Variants in TVP23A observed in about 807,000 individuals in gnomAD.
The protein encoded by TVP23A is trans-golgi network vesicle protein 23 homolog A, also known as Golgi apparatus membrane protein TVP23 homolog A.
In TVP23A, 21 loss-of-function variants were observed where a neutral mutation model predicts 31.7. The ratio of observed to expected loss-of-function variants is 0.66; its 90% CI spans 0.47 to 0.95. The LOEUF (loss-of-function observed/expected upper bound fraction) is 0.95. Ranked by LOEUF, TVP23A falls within the 40% of genes least tolerant of loss-of-function variation. The pLI is 0.00. For synonymous variants in TVP23A, 104 were observed against 96.0 expected (o/e 1.08, Z -0.49); for missense variants, 279 against 255.6 (o/e 1.09, Z -0.62).
chr16:10,761,214 A>G, downstream of TVP23A: 1 of 606,480 alleles, frequency 1.6e-6, no homozygotes, highest in Non-Finnish European at 2.9e-6. Context: ...TGAGATTTGG[A>G]TGGGGACACA....
intron 4 of TVP23A, 24 bp downstream of exon 4, chr16:10,774,015 A>G (rs752267455): frequency 2.5e-6 from 4 of 1,578,744 alleles, no homozygotes; most frequent in Admixed American, 1.7e-5. Flanking sequence ...CGCTCTGGTT[A>G]GTTCAGCTCG....
Position 10,770,344 on chromosome 16 carries a change from A to G in TVP23A, c.583-13T>C. On this transcript the variant is annotated splice_polypyrimidine_tract_variant and intron_variant, in intron 6 of 7. Coordinates refer to ENST00000299866, the MANE Select transcript of TVP23A (RefSeq NM_001079512.4). ...CACCTGGGCAGGCCTGCAAGGGGAA[A>G]AGTCAACCATGGTTTTCTGTCCTTA... 6.4e-7 allele frequency: 1 copy of G among 1,550,682 alleles called. No homozygotes were observed. The highest frequency in any genetic ancestry group is 8.7e-7 in the Non-Finnish European group (1 of 1,146,822).
At chr16:10,804,114 T>C (rs1395099282) in intron 2 of TVP23A, among the ~76,000 whole-genome samples, 1 of 152,178 alleles carries the variant, frequency 6.6e-6, no homozygotes, top group Non-Finnish European at 1.5e-5. Flanking sequence ...TGGCCTTGGA[T>C]GGCCTCAGAT....
intron 2 of TVP23A, among the ~76,000 whole-genome samples, chr16:10,797,937 T>A (rs952302887): frequency 1.3e-5 from 2 of 151,258 alleles, no homozygotes; most frequent in African/African-American, 4.9e-5. Flanking sequence ...TTCTCTATAG[T>A]AAATATTTTT....
At chr16:10,794,352 T>C (rs1028424553) in intron 2 of TVP23A, among the ~76,000 whole-genome samples, 10 of 152,180 alleles carry the variant, frequency 6.6e-5, no homozygotes, top group Non-Finnish European at 8.8e-5. Context: ...CATGTTCTTA[T>C]AAAGACCCCA....
At chr16:10,805,629 T>C (rs1024163166) in intron 2 of TVP23A, among the ~76,000 whole-genome samples, 7 of 150,990 alleles carry the variant, frequency 4.6e-5, no homozygotes, top group Non-Finnish European at 8.8e-5. Flanking sequence ...TGAAGAGGAC[T>C]CCTCAGGGCT....
intron 2 of TVP23A, among the ~76,000 whole-genome samples, chr16:10,806,243 T>C (rs2033938496): frequency 6.6e-6 from 1 of 152,066 alleles, no homozygotes; most frequent in South Asian, 2.1e-4. Context: ...CTCAGAAGAC[T>C]GAAGCAGAAG....
intron 6 of TVP23A, among the ~76,000 whole-genome samples, chr16:10,771,058 G>A (rs1453221517): frequency 1.3e-5 from 2 of 152,028 alleles, no homozygotes; most frequent in East Asian, 1.9e-4. Flanking sequence ...TGGTTGCTAG[G>A]GCTAGGAGGC....
At chr16:10,765,327 TAAAAA>T (rs533208449), downstream of TVP23A, among the ~76,000 whole-genome samples, 10 of 111,270 alleles carry the variant, frequency 9.0e-5, no homozygotes, top group Admixed American at 3.2e-4. The surrounding 1 kb of genome is among the most constrained non-coding windows in gnomAD (Gnocchi z 4.0). Context: ...CCTCATCTCT[TAAAAA>T]AAAAAAAAAA....
intron 2 of TVP23A, among the ~76,000 whole-genome samples, chr16:10,795,302 G>C (rs1337567154): frequency 6.6e-6 from 1 of 151,090 alleles, no homozygotes; most frequent in Non-Finnish European, 1.5e-5. Flanking sequence ...CCAGACTGGA[G>C]TGCAGTGGCA....
Position 10,777,904 on chromosome 16 carries a change from G to C in TVP23A, c.90-2808C>G, listed in dbSNP as rs754694322. ...TGGGCGCCTGTAGTCCCAGCTACTCGGGACGCTGAGGCAGGAGAATTGCTT... is the reference window on the plus strand; with the variant it reads ...TGGGCGCCTGTAGTCCCAGCTACTCCGGACGCTGAGGCAGGAGAATTGCTT... On this transcript the variant is annotated intron_variant, in intron 2 of 7. Coordinates refer to ENST00000299866, the MANE Select transcript of TVP23A (RefSeq NM_001079512.4). This position sits in a 1 kb window ranked among gnomAD's most constrained non-coding sequence, Gnocchi z 4.5. Among the ~76,000 whole-genome samples the C allele has an allele frequency of 6.6e-6, 1 of 152,010 alleles. No homozygotes were observed. The highest frequency in any genetic ancestry group is 1.5e-5 in the Non-Finnish European group (1 of 67,994).
intron 2 of TVP23A, among the ~76,000 whole-genome samples, chr16:10,797,955 C>CTTTTTTT (rs1162130562): frequency 1.3e-3 from 165 of 122,888 alleles, no homozygotes; most frequent in African/African-American, 2.1e-3. Flanking sequence ...TTTTCTTTTT[C>CTTTTTTT]TTTTTTTTTT....
At chr16:10,809,095 A>C (rs1453923207) in intron 2 of TVP23A, among the ~76,000 whole-genome samples, 1 of 152,226 alleles carries the variant, frequency 6.6e-6, no homozygotes, top group Non-Finnish European at 1.5e-5. Context: ...TCAGAATAAC[A>C]GGTGCCACTT....
chr16:10,769,801 A>T (rs1047163233), intron 7 of TVP23A, among the ~76,000 whole-genome samples: 1 of 152,208 alleles, frequency 6.6e-6, no homozygotes. Context: ...TATAAAAAAG[A>T]GGGACAGATG....
At chr16:10,795,879 C>T (rs2033361874) in intron 2 of TVP23A, among the ~76,000 whole-genome samples, 1 of 152,080 alleles carries the variant, frequency 6.6e-6, no homozygotes, top group South Asian at 2.1e-4. Context: ...ATACCCCCTC[C>T]TTTGAAGACC....
intron 5 of TVP23A, 59 bp from the exon 6 acceptor site, chr16:10,771,857 C>T (rs139056128): frequency 5.9e-6 from 9 of 1,535,360 alleles, no homozygotes; most frequent in Middle Eastern, 2.2e-4. Flanking sequence ...TTCGCTCTGT[C>T]GCCCAGGCTG....
At chr16:10,792,094 C>T (rs1656813943) in intron 2 of TVP23A, among the ~76,000 whole-genome samples, 1 of 152,222 alleles carries the variant, frequency 6.6e-6, no homozygotes, top group Non-Finnish European at 1.5e-5. Flanking sequence ...TCAAACCTGC[C>T]TATAAAATCT....
At chr16:10,773,581 T>A in intron 4 of TVP23A, 140 bp from the exon 5 acceptor site, 2 of 1,160,884 alleles carry the variant, frequency 1.7e-6, no homozygotes, top group South Asian at 3.3e-5. Flanking sequence ...TTGTTTTGTT[T>A]TGTTTTTGAG....
chr16:10,818,628 T>C lies in TVP23A; in HGVS notation c.-135A>G. 8.8e-6 allele frequency: 10 copies of C among 1,131,216 alleles called. No homozygotes were observed. Among genetic ancestry groups the C allele is most frequent in the Non-Finnish European group, 1.2e-5 (10 of 838,174 alleles). 70.1% of individuals were successfully genotyped at this position (1,131,216 alleles called of 1,614,324 possible). ...GCTGAGGGTCGGGGCCTGCGCCCTG[T>C]GGGGCAGCCTCAGCGCAGCTTCTCG... On this transcript the variant is annotated 5_prime_UTR_variant, in exon 1 of 8. Coordinates refer to ENST00000299866, the MANE Select transcript of TVP23A (RefSeq NM_001079512.4). This position sits in a 1 kb window ranked among gnomAD's most constrained non-coding sequence, Gnocchi z 4.7.
Sources: gnomAD v4.1 joint callset for allele counts (sites outside exome capture counted in the v4.1 genomes callset) on GRCh38, gnomAD v4.1.1 for gene constraint, Gnocchi (gnomAD v3.1) non-coding constraint, MANE v1.5 for transcripts, NCBI Gene and HGNC (gene_info 2026-07-23, HGNC 2026-07-21) for gene names.